Variants in EDA2R observed in about 807,000 individuals in gnomAD.
The protein encoded by EDA2R is ectodysplasin A2 receptor, also known as tumor necrosis factor receptor superfamily member 27.
A neutral mutation model predicts 20.1 loss-of-function variants in EDA2R; 26 were observed. That is an observed-to-expected ratio of 1.30 (90% CI 0.95 to 1.80). The LOEUF (loss-of-function observed/expected upper bound fraction) is 1.80, where lower values mean the gene tolerates loss of function less well. Ranked by LOEUF, EDA2R falls within the 40% of genes most tolerant of loss-of-function variation. The probability of loss-of-function intolerance (pLI) is 0.00; values close to 1 mark genes in which losing one functional copy is unlikely to be tolerated. For missense variants in EDA2R, 277 were observed against 228.7 expected (o/e 1.21, Z -1.36); for synonymous variants, 114 against 88.7 (o/e 1.29, Z -1.60).
chrX:66,607,023 G>A (rs1480593209), intron 2 of EDA2R, among the ~76,000 whole-genome samples: 2 of 112,338 alleles, frequency 1.8e-5, no homozygotes, highest in African/African-American at 6.5e-5. Flanking sequence ...CTGAATCTGG[G>A]AGCAAAAGCT....
At chrX:66,632,586 C>T (rs1174251596) in intron 1 of EDA2R, among the ~76,000 whole-genome samples, 1 of 98,603 alleles carries the variant, frequency 1.0e-5, no homozygotes, top group Non-Finnish European at 2.0e-5. Flanking sequence ...ATGACAGCAA[C>T]GAAGAAGGGG....
chrX:66,627,352 C>G (rs1602307362), intron 1 of EDA2R, among the ~76,000 whole-genome samples: 1 of 112,137 alleles, frequency 8.9e-6, no homozygotes, highest in East Asian at 2.8e-4. Flanking sequence ...AGGATAAAAA[C>G]TCACCAACAA....
intron 6 of EDA2R, among the ~76,000 whole-genome samples, chrX:66,598,685 G>A (rs1170886616): frequency 1.8e-5 from 2 of 112,237 alleles, no homozygotes; most frequent in Non-Finnish European, 3.8e-5. Context: ...TTTGATATCA[G>A]TTATGACTTT....
intron 1 of EDA2R, among the ~76,000 whole-genome samples, chrX:66,634,278 G>A (rs1383838200): frequency 8.9e-6 from 1 of 112,229 alleles, no homozygotes; most frequent in Non-Finnish European, 1.9e-5. Flanking sequence ...AGGTTGTGGA[G>A]GGAAGGTGAG....
chrX:66,625,902 C>T (rs1049814249), intron 1 of EDA2R, among the ~76,000 whole-genome samples: 3 of 111,525 alleles, frequency 2.7e-5, no homozygotes, highest in Admixed American at 1.9e-4. Flanking sequence ...TGGCTAGACT[C>T]AGAAGAGATA....
chrX:66,634,663 C>A (rs1934163607), intron 1 of EDA2R, among the ~76,000 whole-genome samples: 1 of 111,735 alleles, frequency 8.9e-6, no homozygotes, highest in East Asian at 2.8e-4. Context: ...ATAGAATTTT[C>A]CCAAAGTCAC....
At chrX:66,637,581 C>T (rs1358143119) in intron 1 of EDA2R, among the ~76,000 whole-genome samples, 2 of 112,531 alleles carry the variant, frequency 1.8e-5, no homozygotes, top group African/African-American at 6.5e-5. Context: ...AAATCCAGCT[C>T]AGCTGGTGTT....
chrX:66,607,816 C>T (rs1929971812), intron 2 of EDA2R, among the ~76,000 whole-genome samples: 1 of 111,157 alleles, frequency 9.0e-6, no homozygotes, highest in South Asian at 3.8e-4. Flanking sequence ...ATAAATCACA[C>T]AGTGTAAAAA....
chrX:66,634,823 T>C (rs1323065359), intron 1 of EDA2R, among the ~76,000 whole-genome samples: 2 of 111,719 alleles, frequency 1.8e-5, no homozygotes, highest in Admixed American at 1.9e-4. Flanking sequence ...CCAGCTTCTT[T>C]TTCCTAACTC....
chrX:66,633,185 G>A (rs1247846846), intron 1 of EDA2R, among the ~76,000 whole-genome samples: 4 of 112,251 alleles, frequency 3.6e-5, no homozygotes, highest in Non-Finnish European at 7.5e-5. Flanking sequence ...CAAAACATGC[G>A]TACGTGCACA....
At chrX:66,635,704 A>C (rs1934257252) in intron 1 of EDA2R, among the ~76,000 whole-genome samples, 1 of 112,068 alleles carries the variant, frequency 8.9e-6, no homozygotes, top group East Asian at 2.8e-4. Context: ...AACTTGGAGT[A>C]AGAAAAATGT....
Position 66,620,091 on chromosome X carries a change from A to G in EDA2R, c.-10-4061T>C, listed in dbSNP as rs145212548. On this transcript the variant is annotated intron_variant, in intron 1 of 6. Transcript: ENST00000374719. ...GTCCTTGAAATTCACATAAATTTGA[A>G]TCATACAAGATGCGCTCTTCTGTTT... Among the ~76,000 whole-genome samples, 1,079 of 111,572 alleles carry G rather than the reference A, an allele frequency of 9.7e-3. 11 individuals are homozygous for G. The highest frequency in any genetic ancestry group is 0.034 in the African/African-American group (1,031 of 30,642).
chrX:66,622,651 C>T (rs1171968006), intron 1 of EDA2R, among the ~76,000 whole-genome samples: 1 of 111,827 alleles, frequency 8.9e-6, no homozygotes, highest in East Asian at 2.8e-4. Context: ...AGAAGTTGCT[C>T]AACGTAGCCT....
chrX:66,615,853 C>T (rs962394076), intron 2 of EDA2R, 81 bp downstream of exon 2: 2 of 764,628 alleles, frequency 2.6e-6, no homozygotes, highest in East Asian at 6.8e-5. Flanking sequence ...AGGGCTGACT[C>T]CCCTAATCTT....
At chrX:66,637,508 T>C (rs1332243813) in intron 1 of EDA2R, among the ~76,000 whole-genome samples, 1 of 112,393 alleles carries the variant, frequency 8.9e-6, no homozygotes, top group Non-Finnish European at 1.9e-5. Flanking sequence ...CACTGTCTTT[T>C]GCAGTTTACC....
intron 1 of EDA2R, among the ~76,000 whole-genome samples, chrX:66,625,105 C>T (rs1487895952): frequency 6.3e-5 from 7 of 111,597 alleles, no homozygotes; most frequent in Admixed American, 4.7e-4. Flanking sequence ...GAAAATGCCA[C>T]GGGGAAAAGG....
At chrX:66,637,928 T>G (rs1042584313) in intron 1 of EDA2R, among the ~76,000 whole-genome samples, 3 of 111,859 alleles carry the variant, frequency 2.7e-5, no homozygotes, top group Non-Finnish European at 5.6e-5. Context: ...GAGCATGGGA[T>G]CTGAACTCAA....
At chrX:66,603,548 G>C (rs959558153) in intron 4 of EDA2R, among the ~76,000 whole-genome samples, 1 of 111,580 alleles carries the variant, frequency 9.0e-6, no homozygotes, top group African/African-American at 3.3e-5. Flanking sequence ...AAGACATATG[G>C]TCTAGAATGC....
At chrX:66,624,799 C>T (rs1210314787) in intron 1 of EDA2R, among the ~76,000 whole-genome samples, 3 of 111,365 alleles carry the variant, frequency 2.7e-5, no homozygotes, top group African/African-American at 9.8e-5. Context: ...CCTGCAGGAC[C>T]CAGGAGACAC....
Sources: gnomAD v4.1 joint callset for allele counts (sites outside exome capture counted in the v4.1 genomes callset) on GRCh38, gnomAD v4.1.1 for gene constraint, MANE v1.5 for transcripts, NCBI Gene and HGNC (gene_info 2026-07-23, HGNC 2026-07-21) for gene names.